MYO6: variants seen among roughly 807,000 people sequenced by gnomAD.
MYO6 encodes the protein myosin VI.
Under a neutral mutation model 178.7 loss-of-function variants are expected in MYO6, and 74 were observed. The observed-to-expected ratio is 0.41, with a 90% CI of 0.34 to 0.50. MYO6 has a LOEUF of 0.50. Among genes scored for constraint, MYO6 ranks in the 20% least tolerant of loss-of-function variants. The probability of loss-of-function intolerance (pLI) is 0.09; values close to 1 mark genes in which losing one functional copy is unlikely to be tolerated. For synonymous variants in MYO6, 477 were observed against 504.6 expected (o/e 0.95, Z 0.73); for missense variants, 1,330 against 1,547.4 (o/e 0.86, Z 2.36).
At chr6:75,821,717 A>G (rs1583189032) in intron 2 of MYO6, among the ~76,000 whole-genome samples, 2 of 152,186 alleles carry the variant, frequency 1.3e-5, no homozygotes, top group African/African-American at 4.8e-5. Context: ...CTTTGATACA[A>G]TTAGAAACTT....
rs184636525 is a variant in MYO6 at position 75,913,112 on chromosome 6, A to G, written c.3440-951A>G. On this transcript the variant is annotated intron_variant, in intron 33 of 34. Transcript: ENST00000369977. ...TTGGATTTTCATAGTGAGACTCTTA[A>G]CTGAGCTGCTGTAAATGGTTGTTCC... Among the ~76,000 whole-genome samples, 752 of 152,254 alleles carry G rather than the reference A, an allele frequency of 4.9e-3. 3 individuals carry two copies. The highest frequency in any genetic ancestry group is 9.1e-3 in the Non-Finnish European group (618 of 67,970).
rs776214418 is a variant in MYO6, at chr6:75,829,891, A to G, written c.262-525A>G. ...AAATGGTCACTACAGAGCTAAATCA[A>G]TCCTTGGCATTCAGTGATAGGGATG... On this transcript the variant is annotated intron_variant, in intron 4 of 34. Coordinates refer to ENST00000369977, the MANE Select transcript of MYO6 (RefSeq NM_004999.4). 7.9e-5 allele frequency among the ~76,000 whole-genome samples: 12 copies of G among 152,330 alleles called. No homozygotes were observed. In the South Asian group the frequency reaches 1.0e-3, roughly 13 times the overall value.
intron 1 of MYO6, among the ~76,000 whole-genome samples, chr6:75,766,694 C>T (rs924826013): frequency 6.6e-6 from 1 of 152,158 alleles, no homozygotes; most frequent in African/African-American, 2.4e-5. Context: ...GCATGATGAA[C>T]ACCTTTTGGT....
chr6:75,796,958 G>A (rs1768906806), intron 1 of MYO6, among the ~76,000 whole-genome samples: 2 of 152,080 alleles, frequency 1.3e-5, no homozygotes, highest in African/African-American at 4.8e-5. Context: ...TGGTGTATGT[G>A]TACTATATTT....
In MYO6 at chr6:75,781,917, CAAAAAAAAAAAAA is replaced by C. The variant is rs10584481; in HGVS notation, c.-48+32508_-48+32520del. Among the ~76,000 whole-genome samples the C allele has an allele frequency of 1.1e-4, 5 of 44,680 alleles. 1 individual carries two copies. The highest frequency in any genetic ancestry group is 3.5e-4 in the African/African-American group (5 of 14,156). 29.3% of individuals were successfully genotyped at this position (44,680 alleles called of 152,430 possible). A position where few individuals can be genotyped will look rare whatever the true frequency, so the allele number is the denominator to read the frequency against. On this transcript the variant is annotated intron_variant, in intron 1 of 34. Coordinates refer to ENST00000369977, the MANE Select transcript of MYO6 (RefSeq NM_004999.4). Reference sequence around the variant, plus strand: ...TGAGCGACTGAGCAAGACTCCATCTCAAAAAAAAAAAAAAAAAAAAAAAAAAGATAAAGGAATG... The same window carrying C: ...TGAGCGACTGAGCAAGACTCCATCTCAAAAAAAAAAAAAGATAAAGGAATG...
intron 29 of MYO6, among the ~76,000 whole-genome samples, chr6:75,897,490 A>G (rs1294648297): frequency 2.0e-5 from 3 of 152,196 alleles, no homozygotes; most frequent in African/African-American, 7.2e-5. Context: ...AAAGAGGAAT[A>G]CAGGAGTGTT....
Position 75,907,649 on chromosome 6 carries a change from A to C in MYO6, c.3221A>C (p.Lys1074Thr), listed in dbSNP as rs755581236. ...ACCAAAGCAGCTGCTGGTACTAAGA[A>C]ATATGATCTTAGTAAATGGAAATAT... is the stretch of plus-strand genomic sequence containing the variant. ...LATKAAAGTK[K>T]YDLSKWKYAE... Residue 1074 changes from lysine (K) to threonine (T), a missense_variant, in exon 31 of 35, where the codon AAA becomes ACA. By Grantham distance (78) the Lys-to-Thr change is moderately conservative. Coordinates refer to ENST00000369977, the MANE Select transcript of MYO6 (RefSeq NM_004999.4). The C allele has an allele frequency of 6.2e-7, 1 of 1,613,840 alleles. No homozygotes were observed. The highest frequency in any genetic ancestry group is 8.5e-7 in the Non-Finnish European group (1 of 1,179,916).
intron 30 of MYO6, among the ~76,000 whole-genome samples, chr6:75,907,228 C>T (rs1416359204): frequency 1.3e-5 from 2 of 152,140 alleles, no homozygotes; most frequent in Non-Finnish European, 2.9e-5. Context: ...TTTTAATGAT[C>T]TTTCAAGTGT....
rs58980898 is a variant in MYO6, at chr6:75,804,891, CAT to C, written c.-47-12602_-47-12601del. ...GCGCATATATATATACACACACACA[CAT>C]ATATATACATATATACACACATATA... On this transcript the variant is annotated intron_variant, in intron 1 of 34. Coordinates refer to ENST00000369977, the MANE Select transcript of MYO6 (RefSeq NM_004999.4). 0.013 allele frequency among the ~76,000 whole-genome samples: 1,844 copies of C among 147,162 alleles called. 67 individuals are homozygous for C. In the East Asian group the frequency reaches 0.15, roughly 12 times the overall value.
intron 19 of MYO6, among the ~76,000 whole-genome samples, chr6:75,871,847 G>A (rs894894474): frequency 1.7e-4 from 26 of 152,018 alleles, no homozygotes; most frequent in African/African-American, 6.0e-4. Context: ...TCTGTGGGCC[G>A]GGTGCCATGG....
In MYO6 at chr6:75,817,557, G is replaced by A; in HGVS notation, c.10G>A (p.Gly4Arg). MED[G>R]KPVWAPHPTD... Reference sequence around the variant, plus strand: ...GGATCCTCCTTCAAAAATGGAGGATGGAAAGCCCGTTTGGGCGCCACACCC... The same window carrying A: ...GGATCCTCCTTCAAAAATGGAGGATAGAAAGCCCGTTTGGGCGCCACACCC... Residue 4 changes from glycine to arginine, a missense_variant, in exon 2 of 35, where the codon GGA becomes AGA. This residue lies in a region of MYO6 where 116 missense variants were observed against 104.6 expected (regional missense o/e 1.11). Coordinates refer to ENST00000369977, the MANE Select transcript of MYO6 (RefSeq NM_004999.4). 1 of 1,614,134 alleles carries A rather than the reference G, an allele frequency of 6.2e-7. No homozygotes were observed. The highest frequency in any genetic ancestry group is 8.5e-7 in the Non-Finnish European group (1 of 1,179,964).
chr6:75,786,676 C>T (rs370612270), intron 1 of MYO6, among the ~76,000 whole-genome samples: 18 of 152,218 alleles, frequency 1.2e-4, no homozygotes, highest in African/African-American at 4.3e-4. Context: ...ACAGTGAATT[C>T]CTGCATACCC....
At chr6:75,907,754 A>G in intron 31 of MYO6, 46 bp downstream of exon 31, 4 of 1,454,058 alleles carry the variant, frequency 2.8e-6, no homozygotes, top group Non-Finnish European at 3.8e-6. Flanking sequence ...TCATAGTGAT[A>G]GGTGATAAAT....
intron 1 of MYO6, among the ~76,000 whole-genome samples, chr6:75,765,082 AGT>A (rs1778290100): frequency 6.8e-6 from 1 of 147,664 alleles, no homozygotes; most frequent in Admixed American, 6.8e-5. Flanking sequence ...TAAGTCTCTT[AGT>A]TTGGAGTTCA....
rs774122001 is a variant in MYO6, at chr6:75,861,023, G to A, written c.1474G>A (p.Glu492Lys). ...ATGATTATGATTATTTCATTTTTAG[G>A]AACAAGAACTCTATCAAAAAGAAGG... ...QFFNERILKE[E>K]QELYQKEGLG... The change falls in exon 15 of 35, where the codon GAA becomes AAA. Residue 492 changes from glutamate to lysine, a missense_variant and splice_region_variant. This residue lies in a region of MYO6 where 613 missense variants were observed against 816.8 expected (regional missense o/e 0.75). Coordinates refer to ENST00000369977, the MANE Select transcript of MYO6 (RefSeq NM_004999.4). 1 of 1,587,502 alleles carries A rather than the reference G, an allele frequency of 6.3e-7. No homozygotes were observed. The highest frequency in any genetic ancestry group is 8.6e-7 in the Non-Finnish European group (1 of 1,156,408).
At chr6:75,816,675 C>T (rs1421151177) in intron 1 of MYO6, among the ~76,000 whole-genome samples, 1 of 152,220 alleles carries the variant, frequency 6.6e-6, no homozygotes, top group Non-Finnish European at 1.5e-5. Context: ...GGGAGCACAT[C>T]AGTCCATTCT....
chr6:75,778,957 C>T (rs1343204363), intron 1 of MYO6, among the ~76,000 whole-genome samples: 2 of 144,868 alleles, frequency 1.4e-5, no homozygotes, highest in Non-Finnish European at 3.0e-5. Flanking sequence ...CTTGGGAGGC[C>T]GAAATGGGAA....
At chr6:75,817,453 T>C in intron 1 of MYO6, 48 bp from the exon 2 acceptor site, 1 of 971,604 alleles carries the variant, frequency 1.0e-6, no homozygotes, top group Non-Finnish European at 1.7e-6. Flanking sequence ...TTGTTTTATA[T>C]ATATTTCAAA....
intron 1 of MYO6, among the ~76,000 whole-genome samples, chr6:75,771,768 A>G (rs1467058817): frequency 6.6e-6 from 1 of 152,168 alleles, no homozygotes; most frequent in Non-Finnish European, 1.5e-5. Context: ...TAAGTCCCAT[A>G]TCTTGGAGGG....
Sources: allele counts gnomAD v4.1 joint callset (sites outside exome capture counted in the v4.1 genomes callset), GRCh38; gene constraint gnomAD v4.1.1; regional missense constraint gnomAD v4.1.1; transcripts MANE v1.5; gene names NCBI Gene and HGNC (gene_info 2026-07-23, HGNC 2026-07-21).